The following SLC1A1 variants were observed in gnomAD, a reference collection of about 807,000 sequenced individuals.
SLC1A1 encodes the protein solute carrier family 1 member 1, also known as excitatory amino acid transporter 3.
SLC1A1 carries 43 observed loss-of-function variants against 53.3 expected under a neutral mutation model. The ratio of observed to expected loss-of-function variants is 0.81; its 90% CI spans 0.63 to 1.04. The LOEUF (loss-of-function observed/expected upper bound fraction) is 1.04, where lower values mean the gene tolerates loss of function less well. Among genes scored for constraint, SLC1A1 ranks in the 50% least tolerant of loss-of-function variants. SLC1A1 has a pLI of 0.00. For missense variants in SLC1A1, 748 were observed against 664.9 expected, an observed-to-expected ratio of 1.12 and a Z score of -1.37; for synonymous variants, 307 against 243.2, an observed-to-expected ratio of 1.26 and a Z score of -2.44.
intron 2 of SLC1A1, chr9:4,553,931 A>C (rs1158079517): frequency 1.3e-5 from 2 of 152,216 alleles, no homozygotes; most frequent in African/African-American, 4.8e-5. Flanking sequence ...GGGAGTACTA[A>C]TCAAGGCTGC....
At chr9:4,494,495 A>C (rs1000021310) in intron 1 of SLC1A1, among the ~76,000 whole-genome samples, 1 of 152,136 alleles carries the variant, frequency 6.6e-6, no homozygotes, top group East Asian at 1.9e-4. Context: ...CCTATAATTT[A>C]GGGTGACTCA....
At position 4,561,365 on chromosome 9, in the gene SLC1A1, A is replaced by C; in HGVS notation, c.233-84A>C. 4 of 870,166 alleles carry C rather than the reference A, an allele frequency of 4.6e-6. No homozygotes were observed. In the South Asian group the frequency reaches 5.2e-5, roughly 11 times the overall value. 53.9% of individuals were successfully genotyped at this position (870,166 alleles called of 1,614,324 possible). A position where few individuals can be genotyped will look rare whatever the true frequency, so the allele number is the denominator to read the frequency against. On this transcript the variant is annotated intron_variant, in intron 2 of 11. Coordinates refer to ENST00000262352, the MANE Select transcript of SLC1A1 (RefSeq NM_004170.6). ...AGATGAGAACGCCTCTCAGCTCTTTATTTCACAACCTGAGGATTAAATCGC... is the reference window on the plus strand; with the variant it reads ...AGATGAGAACGCCTCTCAGCTCTTTCTTTCACAACCTGAGGATTAAATCGC...
chr9:4,490,813 C>G (rs1185617797), intron 1 of SLC1A1, 43 bp downstream of exon 1: 1 of 1,529,924 alleles, frequency 6.5e-7, no homozygotes, highest in Non-Finnish European at 9.0e-7. Flanking sequence ...CCCTCACGCG[C>G]TCTCTGCGCC....
intron 1 of SLC1A1, among the ~76,000 whole-genome samples, chr9:4,536,606 C>T (rs973493291): frequency 3.9e-5 from 6 of 152,128 alleles, no homozygotes; most frequent in South Asian, 2.1e-4. Context: ...GACTGTAAAC[C>T]AGTTCAACCA....
At chr9:4,511,224 T>C (rs1273814255) in intron 1 of SLC1A1, among the ~76,000 whole-genome samples, 3 of 152,174 alleles carry the variant, frequency 2.0e-5, no homozygotes, top group Non-Finnish European at 4.4e-5. Flanking sequence ...AGACATTTAT[T>C]TCTTATAGTT....
At chr9:4,568,486 C>G (rs1483178889) in intron 6 of SLC1A1, among the ~76,000 whole-genome samples, 1 of 151,234 alleles carries the variant, frequency 6.6e-6, no homozygotes, top group African/African-American at 2.4e-5. Flanking sequence ...TTTGGGAGGC[C>G]AAGACAGGTG....
chr9:4,570,219 C>G (rs1458210790), intron 6 of SLC1A1, among the ~76,000 whole-genome samples: 1 of 152,194 alleles, frequency 6.6e-6, no homozygotes, highest in African/African-American at 2.4e-5. Flanking sequence ...TACCTTCCTG[C>G]TATTATTGGC....
intron 2 of SLC1A1, among the ~76,000 whole-genome samples, chr9:4,557,714 G>A (rs186824310): frequency 4.6e-5 from 7 of 152,276 alleles, no homozygotes; most frequent in Non-Finnish European, 1.0e-4. Context: ...CTAGCCATAT[G>A]CACTTTGTGG....
At chr9:4,559,926 T>A (rs1340860808) in intron 2 of SLC1A1, 1 of 152,166 alleles carries the variant, frequency 6.6e-6, no homozygotes, top group Non-Finnish European at 1.5e-5. Context: ...GCATCTTTGA[T>A]AGAGAGCAAA....
At chr9:4,499,738 A>G (rs559351479) in intron 1 of SLC1A1, among the ~76,000 whole-genome samples, 1 of 152,384 alleles carries the variant, frequency 6.6e-6, no homozygotes, top group South Asian at 2.1e-4. Flanking sequence ...AATATTGAAT[A>G]TCTTGTTAGA....
intron 1 of SLC1A1, among the ~76,000 whole-genome samples, chr9:4,521,093 A>G (rs1279921539): frequency 6.6e-6 from 1 of 152,150 alleles, no homozygotes; most frequent in Non-Finnish European, 1.5e-5. Context: ...GTCTATTCAA[A>G]TATTTTGTCT....
chr9:4,518,528 G>T (rs989439879), intron 1 of SLC1A1, among the ~76,000 whole-genome samples: 3 of 152,066 alleles, frequency 2.0e-5, no homozygotes, highest in African/African-American at 7.2e-5. Context: ...CACTGCGCCT[G>T]GCCTACAGTA....
At chr9:4,503,198 A>T (rs1396086131) in intron 1 of SLC1A1, among the ~76,000 whole-genome samples, 2 of 151,742 alleles carry the variant, frequency 1.3e-5, no homozygotes, top group African/African-American at 4.9e-5. Context: ...TGATTACAGT[A>T]CTCTTCACTA....
intron 6 of SLC1A1, among the ~76,000 whole-genome samples, chr9:4,569,676 G>C (rs1184292305): frequency 6.6e-6 from 1 of 152,128 alleles, no homozygotes; most frequent in Non-Finnish European, 1.5e-5. Flanking sequence ...TCCTACTGCA[G>C]AAAGCCTTAA....
In SLC1A1 at chr9:4,583,315, A is replaced by T; in HGVS notation, c.1328+143A>T. ...GCTTTAATTTTCCTCTGACCAGGCC[A>T]TCTGATAACATGCCTAAAAATTAAC... On this transcript the variant is annotated intron_variant, in intron 11 of 11. Coordinates refer to ENST00000262352, the MANE Select transcript of SLC1A1 (RefSeq NM_004170.6). This position sits in a 1 kb window ranked among gnomAD's most constrained non-coding sequence, Gnocchi z 4.6. The T allele has an allele frequency of 9.8e-7, 1 of 1,019,180 alleles. No homozygotes were observed. Among genetic ancestry groups the T allele is most frequent in the East Asian group, 2.4e-5 (1 of 41,664 alleles). The allele number at this position is 1,019,180 out of a possible 1,614,324, so 63.1% of individuals were successfully genotyped here. A position where few individuals can be genotyped will look rare whatever the true frequency, so the allele number is the denominator to read the frequency against.
chr9:4,497,916 T>C (rs987231907), intron 1 of SLC1A1, among the ~76,000 whole-genome samples: 1 of 152,242 alleles, frequency 6.6e-6, no homozygotes, highest in Admixed American at 6.5e-5. Flanking sequence ...ATTCTATTCA[T>C]GCATCTATTA....
At position 4,556,346 on chromosome 9, in the gene SLC1A1, G is replaced by T. The variant is rs534822183; in HGVS notation, c.233-5103G>T. 4.1e-4 allele frequency among the ~76,000 whole-genome samples: 63 copies of T among 152,300 alleles called. No homozygotes were observed. Among genetic ancestry groups the T allele is most frequent in the Admixed American group, 1.5e-3 (23 of 15,292 alleles). ...CTATCTTTTATTATTACATTCAACAGAAATAAAGTTACTGTCCAATTACTA... is the reference window on the plus strand; with the variant it reads ...CTATCTTTTATTATTACATTCAACATAAATAAAGTTACTGTCCAATTACTA... On this transcript the variant is annotated intron_variant, in intron 2 of 11. Transcript: ENST00000262352. This position sits in a 1 kb window ranked among gnomAD's most constrained non-coding sequence, Gnocchi z 4.1.
Position 4,570,424 on chromosome 9 carries a change from T to G in SLC1A1, c.583-1780T>G, listed in dbSNP as rs534556100. ...TCTGACTCTATCGCCCAGGCTGGAGTGCAGTGGCGTGACCTTGGCTCACTG... is the reference window on the plus strand; with the variant it reads ...TCTGACTCTATCGCCCAGGCTGGAGGGCAGTGGCGTGACCTTGGCTCACTG... On this transcript the variant is annotated intron_variant, in intron 6 of 11. Coordinates refer to ENST00000262352, the MANE Select transcript of SLC1A1 (RefSeq NM_004170.6). 1.8e-3 allele frequency among the ~76,000 whole-genome samples: 278 copies of G among 151,618 alleles called. 2 individuals are homozygous for G. The highest frequency in any genetic ancestry group is 6.5e-3 in the African/African-American group (269 of 41,294).
chr9:4,566,956 C>A (rs1188592971), intron 5 of SLC1A1, among the ~76,000 whole-genome samples: 2 of 152,142 alleles, frequency 1.3e-5, no homozygotes, highest in Admixed American at 1.3e-4. Flanking sequence ...TCTCTGCCGG[C>A]CTCCACGAGG....
Sources: gnomAD v4.1 joint callset for allele counts (sites outside exome capture counted in the v4.1 genomes callset) on GRCh38, gnomAD v4.1.1 for gene constraint, Gnocchi (gnomAD v3.1) non-coding constraint, MANE v1.5 for transcripts, NCBI Gene and HGNC (gene_info 2026-07-23, HGNC 2026-07-21) for gene names.